XXYLT1: variants seen among roughly 807,000 people sequenced by gnomAD.
The protein encoded by XXYLT1 is UDP-xylose:alpha-xyloside alpha-1,3-xylosyltransferase.
XXYLT1 carries 20 observed loss-of-function variants against 28.9 expected under a neutral mutation model. The observed-to-expected ratio is 0.69, with a 90% CI of 0.49 to 1.00. XXYLT1 has a LOEUF of 1.00. Ranked by LOEUF, XXYLT1 falls within the 50% of genes least tolerant of loss-of-function variation. The pLI is 0.00. For missense variants in XXYLT1, 542 were observed against 560.1 expected, an observed-to-expected ratio of 0.97 and a Z score of 0.33; for synonymous variants, 257 against 253.8, an observed-to-expected ratio of 1.01 and a Z score of -0.12.
chr3:195,101,011 G>A (rs971619274), intron 3 of XXYLT1, among the ~76,000 whole-genome samples: 7 of 152,266 alleles, frequency 4.6e-5, no homozygotes, highest in Admixed American at 2.6e-4. Context: ...ACAGCTATAG[G>A]TTCCACAGAG....
intron 3 of XXYLT1, among the ~76,000 whole-genome samples, chr3:195,091,077 C>T (rs2108661214): frequency 6.7e-6 from 1 of 148,610 alleles, no homozygotes; most frequent in Non-Finnish European, 1.5e-5. Flanking sequence ...GATGGATTCA[C>T]AGCCGAATTC....
chr3:195,177,822 C>T (rs1560136482), intron 2 of XXYLT1, among the ~76,000 whole-genome samples: 2 of 152,006 alleles, frequency 1.3e-5, no homozygotes, highest in South Asian at 2.1e-4. Context: ...GTAGTCCCAG[C>T]TACTCAGGAG....
rs1465877098 is a variant in XXYLT1, at chr3:195,192,641, C to T, written c.652+34068G>A. On this transcript the variant is annotated intron_variant, in intron 2 of 3. Transcript: ENST00000310380. ...TATAACATCTGAAATTAATGTAATA[C>T]CCACAGACAATTGTCATATGTAAAT... is the stretch of plus-strand genomic sequence containing the variant. Among the ~76,000 whole-genome samples, 8 of 152,128 alleles carry T rather than the reference C, an allele frequency of 5.3e-5. No homozygotes were observed. The East Asian group carries it at 1.5e-3, about 29-fold the overall frequency.
chr3:195,161,634 ATT>A (rs35541699), intron 2 of XXYLT1, among the ~76,000 whole-genome samples: 19,967 of 138,642 alleles, frequency 0.14, 1,590 homozygotes, highest in East Asian at 0.41. Context: ...AGATATATAG[ATT>A]TTTTTTTTTT....
intron 2 of XXYLT1, among the ~76,000 whole-genome samples, chr3:195,190,799 G>A (rs1355580902): frequency 2.0e-5 from 3 of 151,890 alleles, no homozygotes; most frequent in Admixed American, 2.0e-4. Context: ...CAAACTTTCT[G>A]TTTTATAGGA....
rs2108618667 is a variant in XXYLT1, at chr3:195,124,176, A to C, written c.785+32273T>G. Among the ~76,000 whole-genome samples the C allele has an allele frequency of 6.6e-6, 1 of 152,350 alleles. No individual in the cohort carries two copies. Among genetic ancestry groups the C allele is most frequent in the South Asian group, 2.1e-4 (1 of 4,826 alleles). ...CTCACCTCGAGAAGTGTGGGTCTAGACCACAGCCCTCATTTTACAGACAAA... is the reference window on the plus strand; with the variant it reads ...CTCACCTCGAGAAGTGTGGGTCTAGCCCACAGCCCTCATTTTACAGACAAA... On this transcript the variant is annotated intron_variant, in intron 3 of 3. Transcript: ENST00000310380. The surrounding 1 kb of genome is among the most constrained non-coding windows in gnomAD (Gnocchi z 4.1).
chr3:195,161,367 A>G (rs1019832089), intron 2 of XXYLT1, among the ~76,000 whole-genome samples: 1 of 152,186 alleles, frequency 6.6e-6, no homozygotes, highest in African/African-American at 2.4e-5. Flanking sequence ...TCCCTTTTAA[A>G]GTCCTCTTAT....
In XXYLT1 at chr3:195,210,025, A is replaced by AGAGTCAGCCC. The variant is rs1723243319; in HGVS notation, c.652+16683_652+16684insGGGCTGACTC. Among the ~76,000 whole-genome samples the AGAGTCAGCCC allele has an allele frequency of 6.8e-6, 1 of 147,734 alleles. No homozygotes were observed. The highest frequency in any genetic ancestry group is 2.7e-5 in the African/African-American group (1 of 37,426). ...CTTGGCAAACACACCAGAGGGACAC[A>AGAGTCAGCCC]CAGGGATCTGACACCATCTGGGCAG... On this transcript the variant is annotated intron_variant, in intron 2 of 3. Transcript: ENST00000310380. The surrounding 1 kb of genome is among the most constrained non-coding windows in gnomAD (Gnocchi z 4.8).
At chr3:195,247,660 ACCCT>A in intron 1 of XXYLT1, 1 of 577,134 alleles carries the variant, frequency 1.7e-6, no homozygotes, top group East Asian at 3.1e-5. Context: ...CCAGGCTCGA[ACCCT>A]CCGACCCCAG....
intron 1 of XXYLT1, among the ~76,000 whole-genome samples, chr3:195,236,725 C>CA: frequency 6.6e-6 from 1 of 152,210 alleles, no homozygotes; most frequent in Non-Finnish European, 1.5e-5. Flanking sequence ...CAGCAGGTCT[C>CA]AGAGTCTCAC....
At chr3:195,268,989 A>G (rs1335004796) in intron 1 of XXYLT1, among the ~76,000 whole-genome samples, 3 of 152,202 alleles carry the variant, frequency 2.0e-5, no homozygotes, top group African/African-American at 7.2e-5. Context: ...CTTGGCTCCA[A>G]GGAGGGGATG....
chr3:195,095,936 C>G (rs1716414225), intron 3 of XXYLT1: 1 of 152,222 alleles, frequency 6.6e-6, no homozygotes, highest in Non-Finnish European at 1.5e-5. Context: ...GGAACTCAAG[C>G]AGCTTCAGAG....
At chr3:195,263,479 C>G (rs1358092406) in intron 1 of XXYLT1, among the ~76,000 whole-genome samples, 1 of 152,200 alleles carries the variant, frequency 6.6e-6, no homozygotes, top group Admixed American at 6.5e-5. Flanking sequence ...CGAGTTCTCA[C>G]TCTCACTCAC....
At position 195,149,195 on chromosome 3, in the gene XXYLT1, G is replaced by C. The variant is rs189477570; in HGVS notation, c.785+7254C>G. 1.2e-3 allele frequency among the ~76,000 whole-genome samples: 190 copies of C among 152,246 alleles called. No homozygotes were observed. The Middle Eastern group carries it at 0.017, about 14-fold the overall frequency. ...AAAAAAAGATGTACAAAGGTATAGAGAGTTTATTTACATATACACACACAC... is the reference window on the plus strand; with the variant it reads ...AAAAAAAGATGTACAAAGGTATAGACAGTTTATTTACATATACACACACAC... On this transcript the variant is annotated intron_variant, in intron 3 of 3. Coordinates refer to ENST00000310380, the MANE Select transcript of XXYLT1 (RefSeq NM_152531.5).
In XXYLT1 at chr3:195,099,830, C is replaced by CAA. The variant is rs35428286; in HGVS notation, c.786-29721_786-29720dup. 5.3e-4 allele frequency among the ~76,000 whole-genome samples: 52 copies of CAA among 97,204 alleles called. No homozygotes were observed. The East Asian group carries it at 6.1e-3, about 11-fold the overall frequency. The allele number at this position is 97,204 out of a possible 152,430, so 63.8% of individuals were successfully genotyped here. On this transcript the variant is annotated intron_variant, in intron 3 of 3. Transcript: ENST00000310380. The stretch of plus-strand genomic sequence containing the variant: ...TGGGCGACACAGCGAGACTCTGTCT[C>CAA]AAAAAAAAAAAAAAAAAAAAATGCA...
At chr3:195,234,870 A>G (rs1055388799) in intron 1 of XXYLT1, among the ~76,000 whole-genome samples, 1 of 151,828 alleles carries the variant, frequency 6.6e-6, no homozygotes. Context: ...GTGTTCTATA[A>G]CCTTCCTGTA....
chr3:195,258,021 C>T (rs1457170504), intron 1 of XXYLT1, among the ~76,000 whole-genome samples: 1 of 152,180 alleles, frequency 6.6e-6, no homozygotes, highest in Non-Finnish European at 1.5e-5. Context: ...CTGCACTATG[C>T]CTGATCTTGT....
At chr3:195,071,414 C>T (rs1367557190) in intron 3 of XXYLT1, among the ~76,000 whole-genome samples, 1 of 152,234 alleles carries the variant, frequency 6.6e-6, no homozygotes, top group African/African-American at 2.4e-5. Flanking sequence ...AGCACCAGCA[C>T]ATTGCTCCGC....
intron 3 of XXYLT1, chr3:195,148,094 C>T (rs1719965154): frequency 6.6e-6 from 1 of 152,234 alleles, no homozygotes; most frequent in Non-Finnish European, 1.5e-5. Flanking sequence ...GCCCGGGAGG[C>T]AGAGCCATCA....
Sources: allele counts gnomAD v4.1 joint callset (sites outside exome capture counted in the v4.1 genomes callset), GRCh38; gene constraint gnomAD v4.1.1; non-coding constraint Gnocchi (gnomAD v3.1); transcripts MANE v1.5; gene names NCBI Gene and HGNC (gene_info 2026-07-23, HGNC 2026-07-21).